Variants in EPHA4 observed in about 807,000 individuals in gnomAD.
The protein encoded by EPHA4 is ephrin type-A receptor 4.
A neutral mutation model predicts 108.3 loss-of-function variants in EPHA4; 19 were observed. The ratio of observed to expected loss-of-function variants is 0.18; its 90% CI spans 0.12 to 0.26. The LOEUF is 0.26. Ranked by LOEUF, EPHA4 falls within the 10% of genes least tolerant of loss-of-function variation. The probability of loss-of-function intolerance (pLI) is 1.00; values close to 1 mark genes in which losing one functional copy is unlikely to be tolerated. For synonymous variants in EPHA4, 449 were observed against 455.5 expected, an observed-to-expected ratio of 0.99 and a Z score of 0.18; for missense variants, 917 against 1,254.0, an observed-to-expected ratio of 0.73 and a Z score of 4.06.
At chr2:221,473,265 G>T (rs992460526) in intron 5 of EPHA4, among the ~76,000 whole-genome samples, 1 of 152,078 alleles carries the variant, frequency 6.6e-6, no homozygotes, top group African/African-American at 2.4e-5. Context: ...AAATAAGAGA[G>T]ATATTTTTAA....
chr2:221,463,716 A>G (rs1691219387), intron 5 of EPHA4, among the ~76,000 whole-genome samples: 1 of 152,142 alleles, frequency 6.6e-6, no homozygotes, highest in Non-Finnish European at 1.5e-5. Context: ...TCACTTCCTC[A>G]ATGACTTGCC....
chr2:221,530,551 C>T (rs908581996), intron 3 of EPHA4, among the ~76,000 whole-genome samples: 3 of 152,214 alleles, frequency 2.0e-5, no homozygotes, highest in African/African-American at 7.2e-5. Context: ...CACAGGGCAG[C>T]ACCCTGCAAG....
chr2:221,548,362 CAAA>C (rs536224750), intron 3 of EPHA4, among the ~76,000 whole-genome samples: 1 of 137,448 alleles, frequency 7.3e-6, no homozygotes, highest in Non-Finnish European at 1.6e-5. Context: ...GAGTCCGTCT[CAAA>C]AAAAAAAAAA....
intron 3 of EPHA4, among the ~76,000 whole-genome samples, chr2:221,559,533 CT>C (rs1694396166): frequency 6.6e-6 from 1 of 151,874 alleles, no homozygotes; most frequent in Non-Finnish European, 1.5e-5. Context: ...CAGAGTGAGA[CT>C]TCATCTCTTA....
At chr2:221,461,637 G>A (rs147075826) in intron 5 of EPHA4, among the ~76,000 whole-genome samples, 123 of 152,274 alleles carry the variant, frequency 8.1e-4, no homozygotes, top group African/African-American at 2.9e-3. Flanking sequence ...ATGGAACAAG[G>A]CCGAGAGGGG....
intron 4 of EPHA4, among the ~76,000 whole-genome samples, chr2:221,494,804 G>A (rs1170427133): frequency 6.6e-6 from 1 of 152,080 alleles, no homozygotes; most frequent in Admixed American, 6.6e-5. Context: ...TCCAGAAGGG[G>A]CAGGGAAACA....
At chr2:221,536,391 C>T (rs987489976) in intron 3 of EPHA4, among the ~76,000 whole-genome samples, 30 of 152,254 alleles carry the variant, frequency 2.0e-4, no homozygotes, top group Non-Finnish European at 2.8e-4. Flanking sequence ...TACTAGAATG[C>T]GAACCTGCTC....
chr2:221,499,748 ATATATATATTTTTTTTT>A (rs1692428831), intron 4 of EPHA4, among the ~76,000 whole-genome samples: 2 of 44,972 alleles, frequency 4.4e-5, no homozygotes, highest in African/African-American at 2.4e-4. Flanking sequence ...ATATATATAT[ATATATATATTTTTTTTT>A]TTTTTTTTTG....
At chr2:221,506,692 C>G (rs1374216401) in intron 3 of EPHA4, among the ~76,000 whole-genome samples, 1 of 152,144 alleles carries the variant, frequency 6.6e-6, no homozygotes, top group Non-Finnish European at 1.5e-5. Flanking sequence ...TGACTGCTAT[C>G]TGTTGAGCAT....
chr2:221,491,240 A>G (rs1692133613), intron 4 of EPHA4, among the ~76,000 whole-genome samples: 2 of 152,222 alleles, frequency 1.3e-5, no homozygotes, highest in African/African-American at 4.8e-5. Flanking sequence ...GAAAGCTACC[A>G]CGCCAAAGAC....
chr2:221,478,954 C>G (rs907772309), intron 5 of EPHA4, among the ~76,000 whole-genome samples: 3 of 152,176 alleles, frequency 2.0e-5, no homozygotes, highest in Non-Finnish European at 4.4e-5. Flanking sequence ...GGTTTTCAAC[C>G]CAGAAGGGGA....
chr2:221,447,682 T>C (rs962430), intron 8 of EPHA4, among the ~76,000 whole-genome samples: 123,415 of 152,014 alleles, frequency 0.81, 50,291 homozygotes, highest in East Asian at 0.98. Flanking sequence ...ATTATCTCCT[T>C]CCCTAACTGT....
rs545839929 is a variant in EPHA4 at position 221,432,747 on chromosome 2, G to T, written c.2496+1395C>A. 2.7e-5 allele frequency among the ~76,000 whole-genome samples: 4 copies of T among 149,794 alleles called. 2 individuals carry two copies. Among genetic ancestry groups the T allele is most frequent in the African/African-American group, 9.8e-5 (4 of 40,772 alleles). On this transcript the variant is annotated intron_variant, in intron 14 of 17. Coordinates refer to ENST00000281821, the MANE Select transcript of EPHA4 (RefSeq NM_004438.5). Reference sequence around the variant, plus strand: ...CAACCTCCGCCTCCCAGGTTCAAGCGATTAGCCTACCTCAGCGTCCCGAGT... The same window carrying T: ...CAACCTCCGCCTCCCAGGTTCAAGCTATTAGCCTACCTCAGCGTCCCGAGT...
chr2:221,521,444 G>A lies in EPHA4; in HGVS notation c.824-20272C>T, dbSNP rs573883214. 1.6e-4 allele frequency among the ~76,000 whole-genome samples: 25 copies of A among 152,282 alleles called. No homozygotes were observed. In the East Asian group the frequency reaches 4.3e-3, roughly 26 times the overall value. On this transcript the variant is annotated intron_variant, in intron 3 of 17. Coordinates refer to ENST00000281821, the MANE Select transcript of EPHA4 (RefSeq NM_004438.5). ...CAGGAAGACATGTCAGTTTCAAAAG[G>A]AAGGGCATGAGGTCAGCTAGTGGGT... is the stretch of plus-strand genomic sequence containing the variant.
chr2:221,455,530 G>A lies in EPHA4; in HGVS notation c.1715+17C>T. ...GGGAAGGTCGGGGGCTGCACAGTGA[G>A]TGGCTTCAGTGCTTACCTCCGGCTG... On this transcript the variant is annotated intron_variant, in intron 8 of 17. Transcript: ENST00000281821. 1 of 1,583,286 alleles carries A rather than the reference G, an allele frequency of 6.3e-7. No homozygotes were observed. The highest frequency in any genetic ancestry group is 1.1e-5 in the South Asian group (1 of 90,446).
intron 15 of EPHA4, 136 bp downstream of exon 15, chr2:221,429,822 G>A (rs1466830073): frequency 2.4e-6 from 2 of 831,336 alleles, no homozygotes; most frequent in African/African-American, 1.7e-5. Context: ...TCTACTAATT[G>A]AGAAAGAAGC....
In EPHA4 at chr2:221,492,153, T is replaced by C. The variant is rs115887793; in HGVS notation, c.979+8864A>G. ...AAATGGCATCCAGAAATGACAGGAC[T>C]CGGTCAATGACAAGCCACTCTTAAT... On this transcript the variant is annotated intron_variant, in intron 4 of 17. Coordinates refer to ENST00000281821, the MANE Select transcript of EPHA4 (RefSeq NM_004438.5). Among the ~76,000 whole-genome samples, 564 of 152,310 alleles carry C rather than the reference T, an allele frequency of 3.7e-3. 3 individuals are homozygous for C. The highest frequency in any genetic ancestry group is 0.013 in the African/African-American group (543 of 41,558).
At chr2:221,452,549 G>A (rs1690819067) in intron 8 of EPHA4, among the ~76,000 whole-genome samples, 1 of 152,244 alleles carries the variant, frequency 6.6e-6, no homozygotes, top group South Asian at 2.1e-4. Context: ...GCCGCTGCAA[G>A]CCTGTCAGCT....
chr2:221,545,339 G>T (rs1215875053), intron 3 of EPHA4, among the ~76,000 whole-genome samples: 1 of 152,022 alleles, frequency 6.6e-6, no homozygotes, highest in African/African-American at 2.4e-5. Context: ...CGTGGTGGCA[G>T]GTACCTATAG....
Sources: allele counts gnomAD v4.1 joint callset (sites outside exome capture counted in the v4.1 genomes callset), GRCh38; gene constraint gnomAD v4.1.1; transcripts MANE v1.5; gene names NCBI Gene and HGNC (gene_info 2026-07-23, HGNC 2026-07-21).